The following NLRP11 variants were observed in gnomAD, a reference collection of about 807,000 sequenced individuals.
NLRP11 encodes the protein NLR family pyrin domain containing 11.
In NLRP11, 53 loss-of-function variants were observed where a neutral mutation model predicts 79.3. That is an observed-to-expected ratio of 0.67 (90% CI 0.54 to 0.84). The LOEUF (loss-of-function observed/expected upper bound fraction) is 0.84, where lower values mean the gene tolerates loss of function less well. Ranked by LOEUF, NLRP11 falls within the 40% of genes least tolerant of loss-of-function variation. The pLI is 0.00. For synonymous variants in NLRP11, 518 were observed against 462.6 expected (o/e 1.12, Z -1.54); for missense variants, 1,264 against 1,255.0 (o/e 1.01, Z -0.11).
Position 55,788,955 on chromosome 19 carries a change from TG to T in NLRP11, c.2706del (p.Ser903ValfsTer17), listed in dbSNP as rs757923720. 1 of 1,613,940 alleles carries T rather than the reference TG, an allele frequency of 6.2e-7. No homozygotes were observed. The highest frequency in any genetic ancestry group is 8.5e-7 in the Non-Finnish European group (1 of 1,179,994). ...GAGGCAAGAGATCGACAGCAGGCACTGGTTAACATGCACTCTTCTAGCCTGC... is the reference window on the plus strand; with the variant it reads ...GAGGCAAGAGATCGACAGCAGGCACTGTTAACATGCACTCTTCTAGCCTGC... On this transcript the variant is annotated frameshift_variant, in exon 9 of 10. Transcript: ENST00000589093. LOFTEE classifies it high-confidence loss of function.
intron 1 of NLRP11, among the ~76,000 whole-genome samples, chr19:55,823,087 T>C (rs1268879761): frequency 6.8e-6 from 1 of 147,442 alleles, no homozygotes; most frequent in Non-Finnish European, 1.5e-5. Context: ...GACTGCCTCC[T>C]CAAGTGGGTC....
chr19:55,798,619 T>G (rs775228686), intron 5 of NLRP11, among the ~76,000 whole-genome samples: 1 of 152,152 alleles, frequency 6.6e-6, no homozygotes, highest in Non-Finnish European at 1.5e-5. Flanking sequence ...GACACAAGTT[T>G]ACCTGTGTAA....
intron 2 of NLRP11, among the ~76,000 whole-genome samples, chr19:55,812,702 A>T (rs1312098369): frequency 6.6e-6 from 1 of 152,164 alleles, no homozygotes; most frequent in Non-Finnish European, 1.5e-5. Flanking sequence ...CAAAAAATGA[A>T]AAATAGAACT....
intron 5 of NLRP11, among the ~76,000 whole-genome samples, chr19:55,799,967 CAAAACAAAAATG>C (rs1276928769): frequency 1.3e-5 from 2 of 151,824 alleles, no homozygotes; most frequent in African/African-American, 4.8e-5. Context: ...AACTCTGTCT[CAAAACAAAAATG>C]AAAACAAAAA....
chr19:55,821,249 A>ACACACACCCCC (rs1443325918), intron 1 of NLRP11, among the ~76,000 whole-genome samples: 1 of 124,378 alleles, frequency 8.0e-6, no homozygotes, highest in African/African-American at 2.9e-5. Context: ...ACACACACAC[A>ACACACACCCCC]CCCCAAGCAC....
At chr19:55,817,734 C>T (rs537332104) in intron 2 of NLRP11, among the ~76,000 whole-genome samples, 170 bp downstream of exon 2, 13 of 149,972 alleles carry the variant, frequency 8.7e-5, no homozygotes, top group South Asian at 6.4e-4. Flanking sequence ...ACTGCTCAGA[C>T]GGTGGGGATG....
At chr19:55,791,695 A>G (rs59252907) in intron 7 of NLRP11, among the ~76,000 whole-genome samples, 6 of 152,172 alleles carry the variant, frequency 3.9e-5, no homozygotes, top group African/African-American at 1.4e-4. Context: ...AAGTGGGAGA[A>G]TCACTACTTC....
At chr19:55,789,083 A>T in intron 8 of NLRP11, 106 bp from the exon 9 acceptor site, 1 of 1,434,028 alleles carries the variant, frequency 7.0e-7, no homozygotes, top group Non-Finnish European at 9.6e-7. Flanking sequence ...AGTTTTGGGC[A>T]AAAGAACTGA....
At chr19:55,790,824 C>T (rs73933378) in intron 7 of NLRP11, among the ~76,000 whole-genome samples, 3,856 of 152,218 alleles carry the variant, frequency 0.025, 54 homozygotes, top group Middle Eastern at 0.071. Context: ...AATGATGTGC[C>T]AACCACATCC....
chr19:55,801,607 GA>G lies in NLRP11; in HGVS notation c.2135del (p.Ile712ThrfsTer9), dbSNP rs758404947. On this transcript the variant is annotated frameshift_variant, in exon 5 of 10. Transcript: ENST00000589093. LOFTEE classifies it high-confidence loss of function. Reference sequence around the variant, plus strand: ...TTATTTGGCATGTGGGCTCGTGCAGGATGTCATGCAGAAGTGAAAACATATT... The same window carrying G: ...TTATTTGGCATGTGGGCTCGTGCAGGTGTCATGCAGAAGTGAAAACATATT... 1 of 1,614,110 alleles carries G rather than the reference GA, an allele frequency of 6.2e-7. No homozygotes were observed.
intron 1 of NLRP11, among the ~76,000 whole-genome samples, chr19:55,819,697 G>T (rs1382339145): frequency 6.6e-6 from 1 of 152,170 alleles, no homozygotes; most frequent in East Asian, 1.9e-4. Flanking sequence ...GCAGGTATCT[G>T]CTTGAGGCTA....
intron 4 of NLRP11, among the ~76,000 whole-genome samples, chr19:55,802,315 A>T (rs560944747): frequency 3.7e-4 from 57 of 152,210 alleles, no homozygotes; most frequent in African/African-American, 1.4e-3. Context: ...CAAAAGTTTC[A>T]GGATACAAAA....
At chr19:55,804,330 A>G (rs1368079886) in intron 4 of NLRP11, among the ~76,000 whole-genome samples, 1 of 152,222 alleles carries the variant, frequency 6.6e-6, no homozygotes, top group Non-Finnish European at 1.5e-5. Context: ...TCAATGCAGC[A>G]CTATTCACAA....
At chr19:55,824,171 T>C (rs1172136803) in intron 1 of NLRP11, among the ~76,000 whole-genome samples, 1 of 135,624 alleles carries the variant, frequency 7.4e-6, no homozygotes, top group Admixed American at 7.3e-5. Context: ...CTAAGCTTCA[T>C]AAGTGAAGGA....
intron 4 of NLRP11, among the ~76,000 whole-genome samples, chr19:55,805,358 C>T (rs779728752): frequency 9.2e-5 from 14 of 152,008 alleles, no homozygotes; most frequent in Non-Finnish European, 2.1e-4. Flanking sequence ...ATAGAACACA[C>T]GGGAAGCCCT....
chr19:55,809,214 C>G lies in NLRP11; in HGVS notation c.1396G>C (p.Val466Leu). 7 of 1,613,734 alleles carry G rather than the reference C, an allele frequency of 4.3e-6. No homozygotes were observed. Among genetic ancestry groups the G allele is most frequent in the Non-Finnish European group, 5.9e-6 (7 of 1,179,660 alleles). The change falls in exon 3 of 10, where the codon GTA (valine) becomes CTA (leucine). Residue 466 changes from valine (V) to leucine (L), a missense_variant. Transcript: ENST00000589093. The surrounding 1 kb of genome is among the most constrained non-coding windows in gnomAD (Gnocchi z 4.5). ...CCTGAGGGGATCAGATAGTTGGGTA[C>G]TGCCATCAGAAATGCAATGGCTGTA...
intron 5 of NLRP11, 57 bp from the exon 6 acceptor site, chr19:55,796,307 T>A: frequency 7.4e-7 from 1 of 1,360,100 alleles, no homozygotes. Flanking sequence ...ATCCCCTCTT[T>A]TAAATTAAAA....
At chr19:55,813,034 A>G (rs1051815660) in intron 2 of NLRP11, among the ~76,000 whole-genome samples, 6 of 152,168 alleles carry the variant, frequency 3.9e-5, no homozygotes, top group Non-Finnish European at 7.3e-5. Flanking sequence ...ACTTATTAAA[A>G]TGGTAGAGGG....
At position 55,809,463 on chromosome 19, in the gene NLRP11, C is replaced by A; in HGVS notation, c.1147G>T (p.Gly383Ter). The change falls in exon 3 of 10, where the codon GGA becomes TGA. Residue 383 changes from glycine (G) to a stop codon, truncating the protein, a stop_gained. Transcript: ENST00000589093. LOFTEE classifies it high-confidence loss of function. This position sits in a 1 kb window ranked among gnomAD's most constrained non-coding sequence, Gnocchi z 4.5. ...AGGTGATACTGATTGGCAGTAAGTC[C>A]AGCCTCTGATGTCAACGCATCAGCA... 6.2e-7 allele frequency: 1 copy of A among 1,614,130 alleles called. No homozygotes were observed. The highest frequency in any genetic ancestry group is 8.5e-7 in the Non-Finnish European group (1 of 1,180,034).
Sources: allele counts gnomAD v4.1 joint callset (sites outside exome capture counted in the v4.1 genomes callset), GRCh38; gene constraint gnomAD v4.1.1; non-coding constraint Gnocchi (gnomAD v3.1); transcripts MANE v1.5; gene names NCBI Gene and HGNC (gene_info 2026-07-23, HGNC 2026-07-21).